Variants in A2ML1 observed in about 807,000 individuals in gnomAD.
The protein encoded by A2ML1 is alpha-2-macroglobulin like 1.
Under a neutral mutation model 181.9 loss-of-function variants are expected in A2ML1, and 161 were observed. That is an observed-to-expected ratio of 0.89 (90% CI 0.78 to 1.01). The LOEUF is 1.01. A2ML1 is among the 50% of genes least tolerant of loss of function. The pLI is 0.00. For synonymous variants in A2ML1, 663 were observed against 666.8 expected, an observed-to-expected ratio of 0.99 and a Z score of 0.09; for missense variants, 1,670 against 1,768.1, an observed-to-expected ratio of 0.94 and a Z score of 1.00.
chr12:8,885,550 C>T (rs1272634222), intron 7 of A2ML1, among the ~76,000 whole-genome samples: 1 of 152,016 alleles, frequency 6.6e-6, no homozygotes, highest in Non-Finnish European at 1.5e-5. Flanking sequence ...TTCTGCTTCC[C>T]GGGCTCAAGC....
At chr12:8,832,763 T>A (rs1481505269) in intron 4 of A2ML1, among the ~76,000 whole-genome samples, 2 of 152,188 alleles carry the variant, frequency 1.3e-5, no homozygotes, top group East Asian at 3.8e-4. Context: ...GGAGTGGAAC[T>A]GCTTAGAAGC....
chr12:8,856,302 T>G (rs1944059899), intron 23 of A2ML1, among the ~76,000 whole-genome samples: 1 of 152,252 alleles, frequency 6.6e-6, no homozygotes, highest in Non-Finnish European at 1.5e-5. Context: ...AGCACTTATC[T>G]TATTGTATTA....
chr12:8,869,671 A>G (rs73236241), intron 33 of A2ML1, among the ~76,000 whole-genome samples: 15,564 of 152,058 alleles, frequency 0.1, 996 homozygotes, highest in African/African-American at 0.17. Context: ...CAAGTGCTCA[A>G]TAGCCACAAG....
At chr12:8,868,720 TAC>T (rs35111062) in intron 32 of A2ML1, 93 bp downstream of exon 32, 360 of 604,718 alleles carry the variant, frequency 6.0e-4, no homozygotes, top group Admixed American at 9.2e-4. Context: ...ATGGCGTGTA[TAC>T]ACACACACAC....
intron 4 of A2ML1, among the ~76,000 whole-genome samples, chr12:8,830,081 T>C (rs927037846): frequency 6.6e-5 from 10 of 152,264 alleles, no homozygotes; most frequent in African/African-American, 2.4e-4. Context: ...AGACAGAGTC[T>C]CGCTCTGTGG....
At chr12:8,881,134 G>C (rs1033164022), downstream of A2ML1, among the ~76,000 whole-genome samples, 1 of 152,158 alleles carries the variant, frequency 6.6e-6, no homozygotes, top group Non-Finnish European at 1.5e-5. Context: ...TTACATACAG[G>C]AGAAAAACCT....
At chr12:8,884,244 T>G (rs778198203) in intron 7 of A2ML1, among the ~76,000 whole-genome samples, 25 of 146,054 alleles carry the variant, frequency 1.7e-4, no homozygotes, top group Middle Eastern at 3.4e-3. Flanking sequence ...TTTTTTTGTT[T>G]TGTTTTTTTT....
intron 29 of A2ML1, among the ~76,000 whole-genome samples, chr12:8,866,881 C>T (rs17729753): frequency 0.16 from 23,579 of 152,078 alleles, 2,029 homozygotes; most frequent in African/African-American, 0.19. Flanking sequence ...ATATTTTACA[C>T]GAGTGAGATA....
At chr12:8,832,284 A>C (rs1943142956) in intron 4 of A2ML1, among the ~76,000 whole-genome samples, 1 of 152,152 alleles carries the variant, frequency 6.6e-6, no homozygotes, top group Admixed American at 6.5e-5. Context: ...CTTGGGTTTT[A>C]CAACAGTGAT....
intron 33 of A2ML1, among the ~76,000 whole-genome samples, chr12:8,872,187 G>GAA (rs35410077): frequency 3.9e-5 from 5 of 128,512 alleles, no homozygotes; most frequent in Non-Finnish European, 3.3e-5. Flanking sequence ...TCAGAAAAAA[G>GAA]AAAAAAAAAA....
At chr12:8,867,461 A>T (rs1030525945) in intron 29 of A2ML1, among the ~76,000 whole-genome samples, 5 of 152,298 alleles carry the variant, frequency 3.3e-5, no homozygotes, top group African/African-American at 1.2e-4. Flanking sequence ...TAGCCTGACC[A>T]ACATGGAGAA....
chr12:8,854,825 C>G lies in A2ML1; in HGVS notation c.2758C>G (p.Pro920Ala), dbSNP rs771684413. The change falls in exon 22 of 36, where the codon CCA becomes GCA. Residue 920 changes from proline (P) to alanine (A), a missense_variant. Pro to Ala is a conservative substitution (Grantham distance 27, BLOSUM62 -1). Transcript: ENST00000299698. ...GAAGACACACAGCTCATTGCTGTGC[C>G]CAAAAGGTGGGTGGACTCAGAGCAG... ...VEKTHSSLLC[P>A]KGKVASESVS... The G allele has an allele frequency of 9.9e-6, 16 of 1,613,762 alleles. No homozygotes were observed. Among genetic ancestry groups the G allele is most frequent in the Middle Eastern group, 1.7e-4 (1 of 6,006 alleles).
In A2ML1 at chr12:8,864,028, A is replaced by G; in HGVS notation, c.3717+20A>G. 1 of 1,599,724 alleles carries G rather than the reference A, an allele frequency of 6.3e-7. No homozygotes were observed. The highest frequency in any genetic ancestry group is 1.1e-5 in the South Asian group (1 of 90,212). On this transcript the variant is annotated intron_variant, in intron 29 of 35. Transcript: ENST00000299698. ...ACTCAGGTAAACAGCCTGTTCTCCC[A>G]CTGCCACTTATCAGGTAGAATTAGA... is the stretch of plus-strand genomic sequence containing the variant.
intron 4 of A2ML1, among the ~76,000 whole-genome samples, chr12:8,831,257 G>T (rs982016116): frequency 5.3e-5 from 8 of 152,120 alleles, no homozygotes; most frequent in Admixed American, 2.0e-4. Flanking sequence ...CGGCCTGAGT[G>T]CTTACTTCTT....
At chr12:8,868,938 A>G (rs942256694) in intron 32 of A2ML1, among the ~76,000 whole-genome samples, 197 bp from the exon 33 acceptor site, 13 of 152,136 alleles carry the variant, frequency 8.5e-5, no homozygotes, top group African/African-American at 3.1e-4. Context: ...TCATACACAC[A>G]AACTCATGAT....
chr12:8,837,407 C>T, intron 7 of A2ML1, 33 bp from the exon 8 acceptor site: 1 of 1,609,826 alleles, frequency 6.2e-7, no homozygotes, highest in Non-Finnish European at 8.5e-7. Flanking sequence ...GTGGAATTTC[C>T]CAACTCTGAC....
intron 3 of A2ML1, among the ~76,000 whole-genome samples, chr12:8,826,114 A>G (rs190221484): frequency 1.3e-5 from 2 of 152,264 alleles, no homozygotes; most frequent in African/African-American, 4.8e-5. Context: ...TTTTTTTACA[A>G]AAGTCCTAAG....
intron 23 of A2ML1, 151 bp downstream of exon 23, chr12:8,855,743 T>G: frequency 7.3e-6 from 5 of 682,728 alleles, no homozygotes; most frequent in African/African-American, 1.8e-5. Flanking sequence ...AGGAGGGAAA[T>G]ACAGTGTAGG....
At chr12:8,841,348 G>C in intron 10 of A2ML1, 21 bp from the exon 11 acceptor site, 1 of 1,610,776 alleles carries the variant, frequency 6.2e-7, no homozygotes, top group Non-Finnish European at 8.5e-7. Flanking sequence ...ATTCTAATCC[G>C]TAATGATCTT....
Sources: gnomAD v4.1 joint callset for allele counts (sites outside exome capture counted in the v4.1 genomes callset) on GRCh38, gnomAD v4.1.1 for gene constraint, MANE v1.5 for transcripts, NCBI Gene and HGNC (gene_info 2026-07-23, HGNC 2026-07-21) for gene names.